MBD5: variants seen among roughly 807,000 people sequenced by gnomAD.
MBD5 encodes the protein methyl-CpG-binding domain protein 5.
In MBD5, 13 loss-of-function variants were observed where a neutral mutation model predicts 117.3. The observed-to-expected ratio is 0.11, with a 90% CI of 0.07 to 0.18. The LOEUF is 0.18. Ranked by LOEUF, MBD5 falls within the 10% of genes least tolerant of loss-of-function variation. The pLI is 1.00. For synonymous variants in MBD5, 727 were observed against 766.4 expected, an observed-to-expected ratio of 0.95 and a Z score of 0.85; for missense variants, 1,879 against 2,093.8, an observed-to-expected ratio of 0.90 and a Z score of 2.00.
chr2:148,254,284 G>T (rs1208880459), intron 3 of MBD5, among the ~76,000 whole-genome samples: 1 of 152,160 alleles, frequency 6.6e-6, no homozygotes, highest in Non-Finnish European at 1.5e-5. Flanking sequence ...TTCCTAAAAG[G>T]GCACAGGTGC....
In MBD5 at chr2:148,163,715, C is replaced by T. The variant is rs770436178; in HGVS notation, c.-924-14985C>T. Among the ~76,000 whole-genome samples the T allele has an allele frequency of 8.6e-5, 13 of 151,944 alleles. No individual in the cohort carries two copies. The East Asian group carries it at 9.7e-4, about 11-fold the overall frequency. On this transcript the variant is annotated intron_variant, in intron 1 of 13. Transcript: ENST00000642680. ...ACAGGCGTGAGCCACCATGCCCAGC[C>T]GAGAATTAAATAACTTAAATGTACA...
chr2:148,448,997 C>T (rs1706647121), intron 4 of MBD5, among the ~76,000 whole-genome samples: 1 of 151,976 alleles, frequency 6.6e-6, no homozygotes, highest in Non-Finnish European at 1.5e-5. Flanking sequence ...GCTGTGCTAA[C>T]AGCTAACATA....
intron 4 of MBD5, among the ~76,000 whole-genome samples, chr2:148,391,404 A>G (rs1704568717): frequency 6.6e-6 from 1 of 152,204 alleles, no homozygotes; most frequent in African/African-American, 2.4e-5. Context: ...CTCGGACTAA[A>G]TGACTCAATG....
intron 1 of MBD5, among the ~76,000 whole-genome samples, chr2:148,033,643 A>G (rs1694104022): frequency 6.6e-6 from 1 of 152,224 alleles, no homozygotes; most frequent in Non-Finnish European, 1.5e-5. Context: ...CAAAGATGTA[A>G]TAAATTGTAA....
rs560202770 is a variant in MBD5, at chr2:148,427,627, C to T, written c.-556-30576C>T. 1.9e-4 allele frequency among the ~76,000 whole-genome samples: 28 copies of T among 150,948 alleles called. 1 individual carries two copies. The highest frequency in any genetic ancestry group is 8.4e-4 in the South Asian group (4 of 4,736). On this transcript the variant is annotated intron_variant, in intron 4 of 13. Transcript: ENST00000642680. The stretch of plus-strand genomic sequence containing the variant: ...ACACAGGAAGGGGAACATCACACAC[C>T]GGGGCCTGTTGTGGGATGGGGGCAG...
At chr2:148,158,962 TCTGCCCGCCTTGGC>T (rs1697939232) in intron 1 of MBD5, among the ~76,000 whole-genome samples, 1 of 152,254 alleles carries the variant, frequency 6.6e-6, no homozygotes, top group Admixed American at 6.5e-5. Flanking sequence ...GACCTTGTGA[TCTGCCCGCCTTGGC>T]CTCCCAAAGT....
At chr2:148,405,392 C>G (rs1028672268) in intron 4 of MBD5, among the ~76,000 whole-genome samples, 1 of 152,210 alleles carries the variant, frequency 6.6e-6, no homozygotes, top group Non-Finnish European at 1.5e-5. Flanking sequence ...TAAGATACTT[C>G]TGAGTATTCC....
chr2:148,305,470 G>A (rs1440716849), intron 3 of MBD5, among the ~76,000 whole-genome samples: 1 of 152,172 alleles, frequency 6.6e-6, no homozygotes, highest in Non-Finnish European at 1.5e-5. Context: ...TGTCCAGAGG[G>A]CAGCCAGTCA....
At chr2:148,366,564 A>G (rs1703705797) in intron 4 of MBD5, among the ~76,000 whole-genome samples, 1 of 152,198 alleles carries the variant, frequency 6.6e-6, no homozygotes, top group Non-Finnish European at 1.5e-5. Context: ...CCATGATTGT[A>G]TATTTAGAAA....
chr2:148,372,677 GA>G (rs1703887103), intron 4 of MBD5, among the ~76,000 whole-genome samples: 1 of 151,944 alleles, frequency 6.6e-6, no homozygotes, highest in Non-Finnish European at 1.5e-5. Context: ...CCAAATATAA[GA>G]AAAAGTGTGA....
At chr2:148,481,519 A>G (rs1189481283) in intron 8 of MBD5, among the ~76,000 whole-genome samples, 2 of 152,148 alleles carry the variant, frequency 1.3e-5, no homozygotes, top group African/African-American at 4.8e-5. Flanking sequence ...TATGCCATAT[A>G]TGTGTTTAGT....
chr2:148,490,807 T>C, intron 11 of MBD5: 1 of 603,766 alleles, frequency 1.7e-6, no homozygotes, highest in East Asian at 3.0e-5. Context: ...AAAGCATTTA[T>C]AGATCACACT....
intron 3 of MBD5, among the ~76,000 whole-genome samples, chr2:148,327,085 A>T (rs935515123): frequency 2.6e-5 from 4 of 151,736 alleles, no homozygotes; most frequent in Non-Finnish European, 5.9e-5. Context: ...TTATTTCTCC[A>T]TCACTTATGA....
intron 4 of MBD5, among the ~76,000 whole-genome samples, chr2:148,363,636 T>C (rs1703606890): frequency 6.6e-6 from 1 of 151,874 alleles, no homozygotes. Context: ...GCAAACAGGG[T>C]CTGGAGTGGA....
At chr2:148,232,882 G>C (rs1700022196) in intron 2 of MBD5, among the ~76,000 whole-genome samples, 1 of 152,074 alleles carries the variant, frequency 6.6e-6, no homozygotes, top group East Asian at 1.9e-4. Context: ...GCTCTTGCCA[G>C]TCTCCTTCTC....
At position 148,364,807 on chromosome 2, in the gene MBD5, A is replaced by G. The variant is rs374592235; in HGVS notation, c.-557+22471A>G. On this transcript the variant is annotated intron_variant, in intron 4 of 13. Transcript: ENST00000642680. Reference sequence around the variant, plus strand: ...GAAGAGCTAACTATCCTAAATATATATGCACCCAATAGGGGAGCACCCAGA... The same window carrying G: ...GAAGAGCTAACTATCCTAAATATATGTGCACCCAATAGGGGAGCACCCAGA... Among the ~76,000 whole-genome samples the G allele has an allele frequency of 2.0e-4, 30 of 152,340 alleles. No homozygotes were observed. The East Asian group carries it at 5.6e-3, about 28-fold the overall frequency.
At chr2:148,466,110 G>A (rs1707252202) in intron 7 of MBD5, among the ~76,000 whole-genome samples, 1 of 152,008 alleles carries the variant, frequency 6.6e-6, no homozygotes, top group South Asian at 2.1e-4. Context: ...ATTTATTTTA[G>A]TTTCCTAATT....
At chr2:148,271,878 G>T (rs1411122555) in intron 3 of MBD5, among the ~76,000 whole-genome samples, 5 of 152,034 alleles carry the variant, frequency 3.3e-5, no homozygotes, top group African/African-American at 1.2e-4. Context: ...TATACAATAG[G>T]TCCCTTGAAC....
intron 4 of MBD5, 113 bp from the exon 5 acceptor site, chr2:148,458,090 A>G (rs765528074): frequency 2.5e-6 from 1 of 392,452 alleles, no homozygotes; most frequent in South Asian, 1.4e-4. Context: ...TTTTGATAGC[A>G]AAGGACATCA....
Sources: gnomAD v4.1 joint callset for allele counts (sites outside exome capture counted in the v4.1 genomes callset) on GRCh38, gnomAD v4.1.1 for gene constraint, MANE v1.5 for transcripts, NCBI Gene and HGNC (gene_info 2026-07-23, HGNC 2026-07-21) for gene names.